Variants in C6 observed in about 807,000 individuals in gnomAD.
The protein encoded by C6 is complement component C6.
In C6, 101 loss-of-function variants were observed where a neutral mutation model predicts 112.9. That is an observed-to-expected ratio of 0.89 (90% CI 0.76 to 1.06). The LOEUF is 1.06. Ranked by LOEUF, C6 falls within the 50% of genes least tolerant of loss-of-function variation. The probability of loss-of-function intolerance (pLI) is 0.00; values close to 1 mark genes in which losing one functional copy is unlikely to be tolerated. For synonymous variants in C6, 431 were observed against 384.1 expected (o/e 1.12, Z -1.43); for missense variants, 1,202 against 1,104.6 (o/e 1.09, Z -1.25).
At chr5:41,159,775 C>G (rs1185051335) in intron 11 of C6, among the ~76,000 whole-genome samples, 2 of 152,012 alleles carry the variant, frequency 1.3e-5, no homozygotes, top group African/African-American at 2.4e-5. Context: ...ACATAAGAGG[C>G]TTATAATATC....
At chr5:41,254,038 G>T (rs1468224061) in intron 1 of C6, among the ~76,000 whole-genome samples, 1 of 152,088 alleles carries the variant, frequency 6.6e-6, no homozygotes. Flanking sequence ...ATGTTTCTAG[G>T]AATAACTTAT....
At chr5:41,176,759 A>G (rs1487126676) in intron 7 of C6, 44 bp from the exon 8 acceptor site, 1 of 1,549,550 alleles carries the variant, frequency 6.5e-7, no homozygotes, top group Admixed American at 1.7e-5. Context: ...AGGTAATGAA[A>G]GTTTGAAGTA....
At chr5:41,206,328 A>G (rs1034969864) in intron 1 of C6, among the ~76,000 whole-genome samples, 3 of 152,226 alleles carry the variant, frequency 2.0e-5, no homozygotes, top group African/African-American at 4.8e-5. Flanking sequence ...CTCCAAAGGA[A>G]CGCAGCTCCT....
chr5:41,181,389 G>T lies in C6; in HGVS notation c.897C>A (p.Phe299Leu), dbSNP rs78369336. 5 of 1,613,668 alleles carry T rather than the reference G, an allele frequency of 3.1e-6. No individual in the cohort carries two copies. In the South Asian group the frequency reaches 5.5e-5, roughly 18 times the overall value. The change falls in exon 7 of 18, where the codon TTC (phenylalanine) becomes TTA (leucine). Residue 299 changes from phenylalanine to leucine, a missense_variant. Physicochemically the swap from Phe to Leu is conservative, Grantham distance 22. Coordinates refer to ENST00000337836, the MANE Select transcript of C6 (RefSeq NM_000065.5). ...TGTGAGAGGCTTGAATGGCTTGTTT[G>T]AAGGCAGAATTATGGTTGATATTTT... ...RSENINHNSA[F>L]KQAIQASHKK...
chr5:41,245,489 C>G (rs888740928), intron 1 of C6, among the ~76,000 whole-genome samples: 1 of 118,828 alleles, frequency 8.4e-6, no homozygotes, highest in Non-Finnish European at 1.8e-5. Context: ...CCATTGCACT[C>G]CAGCCTGGGC....
chr5:41,178,033 C>T (rs1054641988), intron 7 of C6, among the ~76,000 whole-genome samples: 3 of 152,062 alleles, frequency 2.0e-5, no homozygotes, highest in African/African-American at 4.8e-5. Context: ...AGGTCTCAGT[C>T]GTGGAAAATA....
intron 4 of C6, among the ~76,000 whole-genome samples, chr5:41,196,718 A>G (rs2150356515): frequency 6.6e-6 from 1 of 151,956 alleles, no homozygotes; most frequent in East Asian, 1.9e-4. Context: ...ATAATTTGCT[A>G]TATCTATTTT....
chr5:41,231,215 T>C (rs1739877140), intron 1 of C6, among the ~76,000 whole-genome samples: 2 of 152,180 alleles, frequency 1.3e-5, no homozygotes, highest in South Asian at 2.1e-4. Context: ...TATTGAAAGA[T>C]AAGGATTTAC....
At chr5:41,195,977 T>C (rs72753985) in intron 4 of C6, 44 bp from the exon 5 acceptor site, 46,331 of 1,607,902 alleles carry the variant, frequency 0.029, 773 homozygotes, top group Non-Finnish European at 0.035. Flanking sequence ...AAATTATCAT[T>C]TTAGAAAGTA....
intron 11 of C6, chr5:41,159,484 A>G: frequency 1.0e-6 from 1 of 985,136 alleles, no homozygotes; most frequent in East Asian, 1.1e-4. Flanking sequence ...ACAAATGGCA[A>G]TCATTATGAA....
intron 1 of C6, among the ~76,000 whole-genome samples, chr5:41,257,359 T>C (rs1411863009): frequency 2.6e-5 from 4 of 152,170 alleles, no homozygotes. Flanking sequence ...TATTTCATTT[T>C]TTCATGGCTG....
chr5:41,238,112 A>C (rs1254035533), intron 1 of C6, among the ~76,000 whole-genome samples: 1 of 58,978 alleles, frequency 1.7e-5, no homozygotes, highest in Non-Finnish European at 3.5e-5. Flanking sequence ...TTCCATGCTC[A>C]TGGGTAGGAA....
rs1329172618 is a variant in C6 at position 41,186,135 on chromosome 5, C to T, written c.661G>A (p.Val221Ile). The T allele has an allele frequency of 6.2e-7, 1 of 1,614,010 alleles. No individual in the cohort carries two copies. The highest frequency in any genetic ancestry group is 1.7e-5 in the Admixed American group (1 of 59,976). Residue 221 changes from valine to isoleucine, a missense_variant, in exon 6 of 18, where the codon GTC (valine) becomes ATC (isoleucine). Coordinates refer to ENST00000337836, the MANE Select transcript of C6 (RefSeq NM_000065.5). ...NSFTGGICKT[V>I]KSSRTSNPYR... ...GGATTACTTGTCCTACTGCTTTTGA[C>T]AGTTTTACATATTCCTCCAGTGAAA...
intron 7 of C6, among the ~76,000 whole-genome samples, chr5:41,177,905 C>T (rs1008489267): frequency 6.6e-6 from 1 of 152,114 alleles, no homozygotes; most frequent in Admixed American, 6.5e-5. Context: ...TGAATTTTGT[C>T]AGAGAACCAT....
At chr5:41,221,911 T>A (rs1332596844) in intron 1 of C6, among the ~76,000 whole-genome samples, 1 of 152,170 alleles carries the variant, frequency 6.6e-6, no homozygotes, top group East Asian at 1.9e-4. Context: ...ACACCTGTAA[T>A]CCCAGCACTT....
intron 1 of C6, among the ~76,000 whole-genome samples, chr5:41,228,440 A>G (rs1739666014): frequency 6.6e-6 from 1 of 152,068 alleles, no homozygotes; most frequent in Non-Finnish European, 1.5e-5. Flanking sequence ...CCATTTGGAT[A>G]TCTTATTTCT....
intron 1 of C6, chr5:41,203,498 T>C: frequency 2.2e-6 from 1 of 456,306 alleles, no homozygotes; most frequent in Non-Finnish European, 4.1e-6. Flanking sequence ...CGGTTAGTGA[T>C]AGGCTACAAG....
chr5:41,164,481 G>A (rs1747814831), intron 9 of C6, among the ~76,000 whole-genome samples: 3 of 152,136 alleles, frequency 2.0e-5, no homozygotes, highest in Admixed American at 1.3e-4. Flanking sequence ...GTCCAGGGAG[G>A]GGGAAGAACA....
At chr5:41,203,567 T>A in intron 1 of C6, 3 of 349,934 alleles carry the variant, frequency 8.6e-6, no homozygotes, top group South Asian at 7.0e-5. Flanking sequence ...TTTAGATTTA[T>A]ACAGTCTTAC....
Sources: gnomAD v4.1 joint callset for allele counts (sites outside exome capture counted in the v4.1 genomes callset) on GRCh38, gnomAD v4.1.1 for gene constraint, MANE v1.5 for transcripts, NCBI Gene and HGNC (gene_info 2026-07-23, HGNC 2026-07-21) for gene names.